The following CCDC57 variants were observed in gnomAD, a reference collection of about 807,000 sequenced individuals.
CCDC57 encodes coiled-coil domain-containing protein 57.
CCDC57 carries 118 observed loss-of-function variants against 118.9 expected under a neutral mutation model. The observed-to-expected ratio is 0.99, with a 90% CI of 0.86 to 1.16. The LOEUF is 1.16. CCDC57 is among the 50% of genes most tolerant of loss of function. CCDC57 has a pLI of 0.00. For missense variants in CCDC57, 1,300 were observed against 1,320.7 expected (o/e 0.98, Z 0.24); for synonymous variants, 527 against 532.9 (o/e 0.99, Z 0.15).
chr17:82,134,471 G>A (rs2038874292), intron 16 of CCDC57: 1 of 308,550 alleles, frequency 3.2e-6, no homozygotes, highest in Non-Finnish European at 5.9e-6. Context: ...GAAGCACCCA[G>A]ACGCCCTTTC....
chr17:82,189,701 A>G (rs1412914093), intron 7 of CCDC57, among the ~76,000 whole-genome samples: 1 of 152,078 alleles, frequency 6.6e-6, no homozygotes, highest in Non-Finnish European at 1.5e-5. Context: ...AAAAATACAA[A>G]AATTAGCCGG....
At chr17:82,166,611 T>C (rs902453192) in intron 13 of CCDC57, among the ~76,000 whole-genome samples, 2 of 151,728 alleles carry the variant, frequency 1.3e-5, no homozygotes, top group African/African-American at 4.8e-5. Context: ...TAAAGTAAGA[T>C]ATAAAGAAAA....
chr17:82,144,501 T>A (rs2040448613), intron 16 of CCDC57, among the ~76,000 whole-genome samples: 1 of 152,150 alleles, frequency 6.6e-6, no homozygotes, highest in African/African-American at 2.4e-5. Flanking sequence ...CTAGAAAAGA[T>A]GGGGCTGCCT....
exon 6 of CCDC57, chr17:82,194,104 C>T: frequency 6.2e-7 from 1 of 1,613,914 alleles, no homozygotes; most frequent in Non-Finnish European, 8.5e-7. Flanking sequence ...CCCCGGCTTC[C>T]TTCAGAGCCT....
At chr17:82,137,722 G>A (rs947371398) in intron 16 of CCDC57, among the ~76,000 whole-genome samples, 27 of 148,122 alleles carry the variant, frequency 1.8e-4, no homozygotes, top group African/African-American at 5.5e-4. Context: ...TCGCCAGGCT[G>A]GAGTGCAGTG....
chr17:82,193,126 A>G (rs1017741849), intron 7 of CCDC57, among the ~76,000 whole-genome samples: 1 of 152,168 alleles, frequency 6.6e-6, no homozygotes, highest in Non-Finnish European at 1.5e-5. Context: ...TGGCACAATC[A>G]TGGCTCACTG....
intron 13 of CCDC57, among the ~76,000 whole-genome samples, chr17:82,167,709 G>A (rs941441025): frequency 1.3e-5 from 2 of 151,964 alleles, no homozygotes; most frequent in African/African-American, 2.4e-5. Flanking sequence ...TTGAACTCCT[G>A]ACCTCAAGTG....
At chr17:82,137,737 A>G (rs2039421557) in intron 16 of CCDC57, among the ~76,000 whole-genome samples, 1 of 149,906 alleles carries the variant, frequency 6.7e-6, no homozygotes, top group Non-Finnish European at 1.5e-5. Context: ...GCAGTGGCGC[A>G]ATCTCGGCTC....
chr17:82,167,798 T>C (rs2044190919), intron 13 of CCDC57, among the ~76,000 whole-genome samples: 1 of 152,174 alleles, frequency 6.6e-6, no homozygotes, highest in Non-Finnish European at 1.5e-5. Flanking sequence ...GTATTTTTAG[T>C]AGATACGGGG....
chr17:82,194,914 C>T (rs539545743), intron 5 of CCDC57, among the ~76,000 whole-genome samples: 4 of 152,366 alleles, frequency 2.6e-5, no homozygotes, highest in East Asian at 1.9e-4. Context: ...ACATGAGGAC[C>T]GGGCTGCGCC....
chr17:82,199,146 C>T (rs945216189), intron 3 of CCDC57, among the ~76,000 whole-genome samples: 2 of 151,944 alleles, frequency 1.3e-5, no homozygotes, highest in African/African-American at 4.8e-5. Context: ...TTCAAGTAAT[C>T]TAGTAAAGCA....
intron 19 of CCDC57, among the ~76,000 whole-genome samples, chr17:82,119,001 C>A (rs946325068): frequency 2.0e-5 from 3 of 150,474 alleles, no homozygotes; most frequent in Non-Finnish European, 3.0e-5. Context: ...GTGTTCCCAC[C>A]CTGCCAATTG....
intron 9 of CCDC57, among the ~76,000 whole-genome samples, chr17:82,181,844 G>A (rs991381056): frequency 1.3e-5 from 2 of 152,190 alleles, no homozygotes; most frequent in East Asian, 1.9e-4. Context: ...TAAGCCAGGC[G>A]GGGTGGCTCA....
chr17:82,130,188 C>A (rs1218699005), intron 17 of CCDC57, among the ~76,000 whole-genome samples: 1 of 152,038 alleles, frequency 6.6e-6, no homozygotes, highest in African/African-American at 2.4e-5. Context: ...GGAGCAGAGA[C>A]CCTGTCTCAA....
chr17:82,197,164 C>T (rs561307336), intron 4 of CCDC57, among the ~76,000 whole-genome samples: 5 of 146,592 alleles, frequency 3.4e-5, no homozygotes, highest in East Asian at 2.0e-4. Context: ...CTCCTGCAGA[C>T]GCAGCCCCTC....
At chr17:82,174,438 C>T (rs1233721002) in intron 11 of CCDC57, among the ~76,000 whole-genome samples, 1 of 152,238 alleles carries the variant, frequency 6.6e-6, no homozygotes, top group African/African-American at 2.4e-5. Context: ...CCTTGTTTCT[C>T]ATGTAAATAA....
intron 14 of CCDC57, among the ~76,000 whole-genome samples, chr17:82,159,461 C>A (rs1325567767): frequency 1.3e-5 from 2 of 152,134 alleles, no homozygotes; most frequent in African/African-American, 4.8e-5. Context: ...TCTTCAACTG[C>A]CTCGACAGAA....
At chr17:82,127,163 G>A (rs2037562424) in intron 19 of CCDC57, 2 of 985,440 alleles carry the variant, frequency 2.0e-6, no homozygotes, top group Non-Finnish European at 2.4e-6. Context: ...AGAGTCTCAG[G>A]GCGGCAACGT....
intron 8 of CCDC57, 66 bp from the exon 8 acceptor site, chr17:82,183,998 C>T (rs2046531429): frequency 1.2e-5 from 17 of 1,368,484 alleles, no homozygotes; most frequent in Admixed American, 3.9e-5. Flanking sequence ...TTACACAGCA[C>T]CCCCCAGCAA....
Sources: allele counts gnomAD v4.1 joint callset (sites outside exome capture counted in the v4.1 genomes callset), GRCh38; gene constraint gnomAD v4.1.1; transcripts MANE v1.5; gene names NCBI Gene and HGNC (gene_info 2026-07-23, HGNC 2026-07-21).